The following CCDC88A variants were observed in gnomAD, a reference collection of about 807,000 sequenced individuals.
CCDC88A encodes the protein coiled-coil and HOOK domain protein 88A.
CCDC88A carries 54 observed loss-of-function variants against 234.3 expected under a neutral mutation model. The ratio of observed to expected loss-of-function variants is 0.23; its 90% confidence interval spans 0.19 to 0.29. CCDC88A has a LOEUF of 0.29. CCDC88A is among the 10% of genes least tolerant of loss of function. The pLI, the probability that CCDC88A is intolerant of heterozygous loss-of-function variation, is 1.00. For synonymous variants in CCDC88A, 753 were observed against 737.8 expected, an observed-to-expected ratio of 1.02 and a Z score of -0.33; for missense variants, 1,832 against 2,123.4, an observed-to-expected ratio of 0.86 and a Z score of 2.70.
intron 5 of CCDC88A, among the ~76,000 whole-genome samples, chr2:55,366,839 TAAGAC>T (rs1022786785): frequency 6.6e-6 from 1 of 152,016 alleles, no homozygotes; most frequent in Non-Finnish European, 1.5e-5. Context: ...AAGAAAATAA[TAAGAC>T]AAGGAACACA....
rs143355736 is a variant in CCDC88A, at chr2:55,305,485, A to T, written c.4388-2333T>A. 2.8e-3 allele frequency among the ~76,000 whole-genome samples: 422 copies of T among 152,342 alleles called. 2 individuals carry two copies. Among genetic ancestry groups the T allele is most frequent in the African/African-American group, 9.4e-3 (391 of 41,576 alleles). ...ATGAAATGATGACAGATTTATACCTAAACAGACAAGATGACTTCAAAAAAG... is the reference window on the plus strand; with the variant it reads ...ATGAAATGATGACAGATTTATACCTTAACAGACAAGATGACTTCAAAAAAG... On this transcript the variant is annotated intron_variant, in intron 25 of 32. Coordinates refer to ENST00000436346, the MANE Select transcript of CCDC88A (RefSeq NM_001365480.1).
In CCDC88A at chr2:55,344,649, A is replaced by G. The variant is rs1574202221; in HGVS notation, c.1042-135T>C. ...AGGAAACCTACTGAGTAATAGAAAT[A>G]CAATTAATGTTTTCTTGGCTTCCTT... On this transcript the variant is annotated intron_variant, in intron 10 of 32. Coordinates refer to ENST00000436346, the MANE Select transcript of CCDC88A (RefSeq NM_001365480.1). 1.3e-5 allele frequency: 6 copies of G among 451,400 alleles called. No homozygotes were observed. In the East Asian group the frequency reaches 2.1e-4, roughly 16 times the overall value. The allele number at this position is 451,400 out of a possible 1,614,324, so 28.0% of individuals were successfully genotyped here. A position where few individuals can be genotyped will look rare whatever the true frequency, so the allele number is the denominator to read the frequency against.
intron 29 of CCDC88A, among the ~76,000 whole-genome samples, chr2:55,297,881 T>C (rs571963606): frequency 6.6e-6 from 1 of 152,340 alleles, no homozygotes; most frequent in South Asian, 2.1e-4. Context: ...TTAAAGAGCA[T>C]ACACATAAGG....
At chr2:55,404,964 G>A (rs1679304865) in intron 2 of CCDC88A, 1 of 152,186 alleles carries the variant, frequency 6.6e-6, no homozygotes, top group African/African-American at 2.4e-5. Context: ...ACTGACCGCA[G>A]GTAATCCGCA....
Position 55,301,206 on chromosome 2 carries a change from C to A in CCDC88A, c.4744G>T (p.Ala1582Ser). The A allele has an allele frequency of 2.6e-6, 4 of 1,557,948 alleles. No homozygotes were observed. Among genetic ancestry groups the A allele is most frequent in the Non-Finnish European group, 3.5e-6 (4 of 1,133,052 alleles). ...DDSSTGSRVHASRPASLDSGR... is the reference protein window; with the variant it reads ...DDSSTGSRVHSSRPASLDSGR... The stretch of plus-strand genomic sequence containing the variant: ...CTCTAAATAAGGTTCATTATCTTAC[C>A]ATGAACTCTTGATCCCGTACTAGAA... The change falls in exon 28 of 33, where the codon GCT becomes TCT. Residue 1582 changes from alanine (A) to serine (S), a missense_variant and splice_region_variant. Physicochemically the swap from Ala to Ser is moderately conservative, Grantham distance 99. This residue lies in a region of CCDC88A where 422 missense variants were observed against 416.5 expected (regional missense o/e 1.01). Coordinates refer to ENST00000436346, the MANE Select transcript of CCDC88A (RefSeq NM_001365480.1).
intron 12 of CCDC88A, 137 bp from the exon 13 acceptor site, chr2:55,339,785 T>C (rs1668251043): frequency 1.7e-6 from 1 of 601,792 alleles, no homozygotes; most frequent in South Asian, 3.1e-5. Context: ...AATGAGGTTA[T>C]ATAAGATAAA....
At chr2:55,312,332 G>A in intron 23 of CCDC88A, 102 bp downstream of exon 23, 1 of 1,043,920 alleles carries the variant, frequency 9.6e-7, no homozygotes, top group Non-Finnish European at 1.4e-6. Flanking sequence ...AATATTTGTT[G>A]AAAATCAGTA....
At chr2:55,305,838 G>A (rs918635601) in intron 25 of CCDC88A, among the ~76,000 whole-genome samples, 1 of 151,440 alleles carries the variant, frequency 6.6e-6, no homozygotes, top group African/African-American at 2.4e-5. Context: ...TCCAGCTTGG[G>A]CAACAGAGTA....
In CCDC88A at chr2:55,384,566, T is replaced by A. The variant is rs1361072202; in HGVS notation, c.273+4212A>T. ...GTATATATGTGTATATATACACATA[T>A]ATACGTATATATGTGTATATATACA... On this transcript the variant is annotated intron_variant, in intron 3 of 32. Coordinates refer to ENST00000436346, the MANE Select transcript of CCDC88A (RefSeq NM_001365480.1). 1.6e-5 allele frequency among the ~76,000 whole-genome samples: 2 copies of A among 125,824 alleles called. 1 individual carries two copies. The highest frequency in any genetic ancestry group is 1.7e-4 in the Admixed American group (2 of 11,968). The allele number at this position is 125,824 out of a possible 152,430, so 82.5% of individuals were successfully genotyped here.
intron 25 of CCDC88A, among the ~76,000 whole-genome samples, chr2:55,307,689 A>C (rs992780243): frequency 2.7e-5 from 4 of 149,538 alleles, no homozygotes; most frequent in Non-Finnish European, 5.9e-5. Flanking sequence ...GTGTCTCACT[A>C]TGTTGCCCAG....
At chr2:55,397,418 T>C (rs1677813132) in intron 2 of CCDC88A, 1 of 152,028 alleles carries the variant, frequency 6.6e-6, no homozygotes, top group African/African-American at 2.4e-5. Context: ...ATATTAGAAC[T>C]AAAAATATAT....
chr2:55,417,653 C>T (rs980048460), intron 2 of CCDC88A: 7 of 151,962 alleles, frequency 4.6e-5, no homozygotes, highest in African/African-American at 1.4e-4. Context: ...TAGTATAATA[C>T]TTCCCTGTAG....
chr2:55,308,489 G>T, intron 25 of CCDC88A: 1 of 241,254 alleles, frequency 4.1e-6, no homozygotes, highest in South Asian at 7.6e-5. Flanking sequence ...CCTTGTAACT[G>T]TCCTGTGAAG....
chr2:55,321,554 A>C (rs1683637733), intron 18 of CCDC88A, among the ~76,000 whole-genome samples: 1 of 152,164 alleles, frequency 6.6e-6, no homozygotes, highest in African/African-American at 2.4e-5. Flanking sequence ...TCCGTCTCAA[A>C]AAAAAACCAA....
chr2:55,396,065 A>AT (rs55817930), intron 2 of CCDC88A, among the ~76,000 whole-genome samples: 79,632 of 150,074 alleles, frequency 0.53, 22,309 homozygotes, highest in Admixed American at 0.64. Context: ...CCATTCTGGT[A>AT]TTTTTTTTTT....
At chr2:55,398,454 T>C (rs1043697061) in intron 2 of CCDC88A, among the ~76,000 whole-genome samples, 2 of 152,190 alleles carry the variant, frequency 1.3e-5, no homozygotes, top group Non-Finnish European at 2.9e-5. Flanking sequence ...TAGAAAGCAA[T>C]AAACTTCCCA....
At chr2:55,414,568 A>G (rs1214539961) in intron 2 of CCDC88A, among the ~76,000 whole-genome samples, 3 of 152,238 alleles carry the variant, frequency 2.0e-5, no homozygotes, top group South Asian at 4.1e-4. Flanking sequence ...AAGCTACTCA[A>G]TGAAATTCAG....
At chr2:55,381,912 T>G (rs1674667397) in intron 3 of CCDC88A, among the ~76,000 whole-genome samples, 1 of 152,192 alleles carries the variant, frequency 6.6e-6, no homozygotes, top group African/African-American at 2.4e-5. Flanking sequence ...CAGTCCCTCT[T>G]TTGAGACTCG....
Position 55,309,231 on chromosome 2 carries a change from C to T in CCDC88A, c.4103G>A (p.Arg1368His), listed in dbSNP as rs966116188. ...TTTCTCTTCTAGTTTCTCCTTCTGA[C>T]GTCTTAATTCATTTAACTTATCACT... ...QYIDKLNELR[R>H]QKEKLEEKIM... is the part of the protein sequence containing the mutation. The change falls in exon 24 of 33, where the codon CGT (arginine) becomes CAT (histidine). Residue 1368 changes from arginine (R) to histidine (H), a missense_variant. Around this residue, in one of 6 missense-constraint regions of CCDC88A, gnomAD observed 1,282 missense variants for 1,543.6 expected, o/e 0.83. Coordinates refer to ENST00000436346, the MANE Select transcript of CCDC88A (RefSeq NM_001365480.1). This position sits in a 1 kb window ranked among gnomAD's most constrained non-coding sequence, Gnocchi z 5.1. The T allele has an allele frequency of 8.8e-6, 13 of 1,479,942 alleles. No individual in the cohort carries two copies. Among genetic ancestry groups the T allele is most frequent in the African/African-American group, 1.4e-5 (1 of 72,222 alleles). 91.7% of individuals were successfully genotyped at this position (1,479,942 alleles called of 1,614,324 possible). A position where few individuals can be genotyped will look rare whatever the true frequency, so the allele number is the denominator to read the frequency against.
Sources: allele counts gnomAD v4.1 joint callset (sites outside exome capture counted in the v4.1 genomes callset), GRCh38; gene constraint gnomAD v4.1.1; regional missense constraint gnomAD v4.1.1; non-coding constraint Gnocchi (gnomAD v3.1); transcripts MANE v1.5; gene names NCBI Gene and HGNC (gene_info 2026-07-23, HGNC 2026-07-21).